FSTL4: variants seen among roughly 807,000 people sequenced by gnomAD.
FSTL4 encodes follistatin-related protein 4.
A neutral mutation model predicts 78.2 loss-of-function variants in FSTL4; 28 were observed. The observed-to-expected ratio is 0.36, with a 90% CI of 0.27 to 0.49. The LOEUF is 0.49. FSTL4 is among the 20% of genes least tolerant of loss of function. The pLI is 0.98. For missense variants in FSTL4, 922 were observed against 1,084.9 expected (o/e 0.85, Z 2.11); for synonymous variants, 422 against 440.5 (o/e 0.96, Z 0.53).
intron 4 of FSTL4, among the ~76,000 whole-genome samples, chr5:133,344,334 C>A (rs1255569638): frequency 6.6e-6 from 1 of 152,208 alleles, no homozygotes; most frequent in African/African-American, 2.4e-5. Context: ...TCATTACATT[C>A]TGTAACTATA....
At chr5:133,741,968 C>T in the FSTL4 span, among the ~76,000 whole-genome samples, 6 of 152,248 alleles carry the variant, frequency 3.9e-5, no homozygotes, top group African/African-American at 1.4e-4. Context: ...GGCATCACCT[C>T]CCCAGGACAA....
the FSTL4 span, among the ~76,000 whole-genome samples, chr5:133,840,936 G>A: frequency 6.6e-6 from 1 of 152,254 alleles, no homozygotes; most frequent in South Asian, 2.1e-4. Flanking sequence ...TGTGCTCCAG[G>A]TTTGATGGAG....
chr5:133,309,437 T>C (rs1009563676), intron 6 of FSTL4, among the ~76,000 whole-genome samples: 3 of 152,196 alleles, frequency 2.0e-5, no homozygotes, highest in Admixed American at 2.0e-4. Flanking sequence ...CTTGGCTCCA[T>C]CTGACAATCA....
the FSTL4 span, among the ~76,000 whole-genome samples, chr5:133,836,127 C>G: frequency 6.6e-6 from 1 of 152,096 alleles, no homozygotes; most frequent in African/African-American, 2.4e-5. Context: ...TTGTTTTTAT[C>G]TAGTCTAACA....
At chr5:133,764,114 T>C in the FSTL4 span, among the ~76,000 whole-genome samples, 3 of 152,242 alleles carry the variant, frequency 2.0e-5, no homozygotes, top group Non-Finnish European at 4.4e-5. Context: ...TTGCAGTCTT[T>C]ACTTTGCTTA....
At chr5:133,457,115 GA>G (rs5871492) in intron 3 of FSTL4, among the ~76,000 whole-genome samples, 31,026 of 137,956 alleles carry the variant, frequency 0.22, 3,411 homozygotes, top group Non-Finnish European at 0.24. Context: ...GATAGAGAAA[GA>G]AAAAAAAAAA....
At chr5:133,802,145 C>T in the FSTL4 span, among the ~76,000 whole-genome samples, 19 of 152,286 alleles carry the variant, frequency 1.2e-4, no homozygotes, top group African/African-American at 4.6e-4. Context: ...CTTGACTTCC[C>T]CGGTGGACTT....
Position 133,197,136 on chromosome 5 carries a change from G to A in FSTL4, c.*1959C>T, listed in dbSNP as rs1750167801. ...CGTGTTCTGGTCTGGTAGTTGGTGG[G>A]ACTTTTCCTCCTTTAGGCTCAGAGA... On this transcript the variant is annotated 3_prime_UTR_variant, in exon 16 of 16. Coordinates refer to ENST00000265342, the MANE Select transcript of FSTL4 (RefSeq NM_015082.2). 1 of 152,122 alleles carries A rather than the reference G, an allele frequency of 6.6e-6. No individual in the cohort carries two copies. Among genetic ancestry groups the A allele is most frequent in the South Asian group, 2.1e-4 (1 of 4,826 alleles). 9.4% of individuals were successfully genotyped at this position (152,122 alleles called of 1,614,324 possible).
chr5:133,837,065 A>G, the FSTL4 span, among the ~76,000 whole-genome samples: 19 of 152,202 alleles, frequency 1.2e-4, 1 homozygote, highest in African/African-American at 4.6e-4. Context: ...CCAGTTACGC[A>G]TGTTAGACCA....
In FSTL4 at chr5:133,442,840, G is replaced by A. The variant is rs557105281; in HGVS notation, c.161-41854C>T. 2.0e-5 allele frequency among the ~76,000 whole-genome samples: 3 copies of A among 152,316 alleles called. No individual in the cohort carries two copies. The East Asian group carries it at 5.8e-4, about 29-fold the overall frequency. ...TGACCCAACACCATTAGCATCTCTA[G>A]ACTTTATACCTGATCTATCTGTTTC... is the stretch of plus-strand genomic sequence containing the variant. On this transcript the variant is annotated intron_variant, in intron 3 of 15. Coordinates refer to ENST00000265342, the MANE Select transcript of FSTL4 (RefSeq NM_015082.2).
At chr5:133,592,489 G>A (rs1760653650) in intron 2 of FSTL4, among the ~76,000 whole-genome samples, 1 of 152,136 alleles carries the variant, frequency 6.6e-6, no homozygotes, top group Admixed American at 6.5e-5. Flanking sequence ...TAGTCAGCAT[G>A]GTCATAAAAG....
At chr5:133,332,465 G>A (rs1172143374) in intron 4 of FSTL4, among the ~76,000 whole-genome samples, 3 of 152,214 alleles carry the variant, frequency 2.0e-5, no homozygotes, top group African/African-American at 7.2e-5. Flanking sequence ...AAAGAAAAGT[G>A]TACACAGCTC....
intron 6 of FSTL4, among the ~76,000 whole-genome samples, chr5:133,308,739 T>C (rs1189608875): frequency 2.6e-5 from 4 of 152,222 alleles, no homozygotes; most frequent in Non-Finnish European, 2.9e-5. Context: ...GGTAGTGCTG[T>C]AGATGAAAAC....
chr5:133,441,270 T>C (rs1278456185), intron 3 of FSTL4, among the ~76,000 whole-genome samples: 1 of 152,096 alleles, frequency 6.6e-6, no homozygotes, highest in Admixed American at 6.5e-5. Context: ...CAGCAACTCT[T>C]GCTCATTGTT....
intron 14 of FSTL4, chr5:133,202,327 C>T (rs997984539): frequency 4.4e-6 from 1 of 224,762 alleles, no homozygotes; most frequent in Non-Finnish European, 8.7e-6. Flanking sequence ...TTGTCAGCCA[C>T]CATGATGGCA....
intron 3 of FSTL4, among the ~76,000 whole-genome samples, chr5:133,507,702 T>C (rs1035400148): frequency 5.3e-5 from 8 of 151,840 alleles, no homozygotes; most frequent in Non-Finnish European, 1.2e-4. Flanking sequence ...TTTGTATTTT[T>C]AGTAGAGATG....
In FSTL4 at chr5:133,316,667, G is replaced by A. The variant is rs749143074; in HGVS notation, c.410-15C>T. On this transcript the variant is annotated splice_polypyrimidine_tract_variant and intron_variant, in intron 4 of 15. Coordinates refer to ENST00000265342, the MANE Select transcript of FSTL4 (RefSeq NM_015082.2). ...GCACGTGTCACCTGAAAGAGAAGGT[G>A]AGGTTATTATTTTGAGACTTATCCC... 1.3e-6 allele frequency: 2 copies of A among 1,596,888 alleles called. No individual in the cohort carries two copies. The highest frequency in any genetic ancestry group is 1.3e-5 in the African/African-American group (1 of 74,540).
In FSTL4 at chr5:133,349,055, C is replaced by A. The variant is rs546983844; in HGVS notation, c.410-32403G>T. Among the ~76,000 whole-genome samples, 3 of 152,232 alleles carry A rather than the reference C, an allele frequency of 2.0e-5. No individual in the cohort carries two copies. The East Asian group carries it at 5.8e-4, about 29-fold the overall frequency. On this transcript the variant is annotated intron_variant, in intron 4 of 15. Coordinates refer to ENST00000265342, the MANE Select transcript of FSTL4 (RefSeq NM_015082.2). ...GGTTTCTAATCGTATTCAGTGAGATCTCAGAATAGTTCTCTCAAGTACACA... is the reference window on the plus strand; with the variant it reads ...GGTTTCTAATCGTATTCAGTGAGATATCAGAATAGTTCTCTCAAGTACACA...
intron 5 of FSTL4, among the ~76,000 whole-genome samples, chr5:133,315,105 C>T (rs758810604): frequency 1.3e-5 from 2 of 152,108 alleles, no homozygotes; most frequent in African/African-American, 2.4e-5. Flanking sequence ...GAGGCTGCAA[C>T]GAGCCAAGAT....
Sources: allele counts gnomAD v4.1 joint callset (sites outside exome capture counted in the v4.1 genomes callset), GRCh38; gene constraint gnomAD v4.1.1; transcripts MANE v1.5; gene names NCBI Gene and HGNC (gene_info 2026-07-23, HGNC 2026-07-21).